The following KRTAP10-6 variants were observed in gnomAD, a reference collection of about 807,000 sequenced individuals.
KRTAP10-6 encodes keratin associated protein 10-6.
A neutral mutation model predicts 0.5 loss-of-function variants in KRTAP10-6; 1 was observed. The ratio of observed to expected loss-of-function variants is 1.92; its 90% CI spans 0.68 to 9.09. The LOEUF (loss-of-function observed/expected upper bound fraction) is 9.09, where lower values mean the gene tolerates loss of function less well. Ranked by LOEUF, KRTAP10-6 falls within the 30% of genes most tolerant of loss-of-function variation. The probability of loss-of-function intolerance (pLI) is 0.13; values close to 1 mark genes in which losing one functional copy is unlikely to be tolerated. For missense variants in KRTAP10-6, 337 were observed against 464.2 expected (o/e 0.73, Z 2.52); for synonymous variants, 136 against 196.5 (o/e 0.69, Z 2.58).
At position 44,591,697 on chromosome 21, in the gene KRTAP10-6, G is replaced by A. The variant is rs1555926606; in HGVS notation, c.788C>T (p.Ser263Phe). ...ACAGCAGGCGTGCTGGCAGGGGGAG[G>A]AGGTGCAGCAAGCTGGCTGGCAGCT... ...QSSCQPACCT[S>F]SPCQHACCVP... Residue 263 changes from serine (S) to phenylalanine (F), a missense_variant, in exon 1 of 1, where the codon TCC becomes TTC. By Grantham distance (155) the Ser-to-Phe change is radical. Transcript: ENST00000400368. 8 of 1,577,250 alleles carry A rather than the reference G, an allele frequency of 5.1e-6. No homozygotes were observed. Among genetic ancestry groups the A allele is most frequent in the African/African-American group, 1.4e-5 (1 of 74,004 alleles).
chr21:44,591,382 G>A lies in KRTAP10-6; in HGVS notation c.*5C>T, dbSNP rs1395303794. On this transcript the variant is annotated 3_prime_UTR_variant, in exon 1 of 1. Coordinates refer to ENST00000400368, the MANE Select transcript of KRTAP10-6 (RefSeq NM_198688.3). Reference sequence around the variant, plus strand: ...GGAAGGGACTCCGGATCACATCCAGGGCTGTCAGCAGCTGGACTTCTGGCC... The same window carrying A: ...GGAAGGGACTCCGGATCACATCCAGAGCTGTCAGCAGCTGGACTTCTGGCC... 6.3e-7 allele frequency: 1 copy of A among 1,599,000 alleles called. No individual in the cohort carries two copies. The highest frequency in any genetic ancestry group is 1.7e-5 in the Admixed American group (1 of 59,536).
Position 44,592,154 on chromosome 21 carries a change from C to T in KRTAP10-6, c.331G>A (p.Val111Met), listed in dbSNP as rs200214979. 441 of 1,563,524 alleles carry T rather than the reference C, an allele frequency of 2.8e-4. 2 individuals are homozygous for T. In the African/African-American group the frequency reaches 3.3e-3, roughly 12 times the overall value. ...CAGACAGTCTTGCAGCAGACGGGCA[C>T]GCAGCAGGCCTGCTGGCAGGGGGAG... is the stretch of plus-strand genomic sequence containing the variant. The part of the protein sequence containing the change: ...ASSPCQQACC[V>M]PVCCKTVCCK... Residue 111 changes from valine (V) to methionine (M), a missense_variant, in exon 1 of 1, where the codon GTG (valine) becomes ATG (methionine). Transcript: ENST00000400368.
At position 44,591,587 on chromosome 21, in the gene KRTAP10-6, A is replaced by G. The variant is rs465279; in HGVS notation, c.898T>C (p.Ser300Pro). 530,872 of 1,609,338 alleles carry G rather than the reference A, an allele frequency of 0.33. 95,196 individuals carry two copies. The highest frequency in any genetic ancestry group is 0.71 in the African/African-American group (53,012 of 74,490). The change falls in exon 1 of 1, where the codon TCC becomes CCC. Residue 300 changes from serine (S) to proline (P), a missense_variant. Coordinates refer to ENST00000400368, the MANE Select transcript of KRTAP10-6 (RefSeq NM_198688.3). ...CAGAGGAGGGACACGGAGGAGGAGG[A>G]TCTGCAGCAGGAGGCGGTGCAGCAA... ...PACCTASCCR[S>P]SSSVSLLCHP...
At chr21:44,591,717 G>T in the KRTAP10-6 span, 3 of 1,597,102 alleles carry the variant, frequency 1.9e-6, no homozygotes, top group South Asian at 3.3e-5. Context: ...AAGCTGGCTG[G>T]CAGCTAGACT....
rs62220887 is a variant in KRTAP10-6 at position 44,592,279 on chromosome 21, G to C, written c.206C>G (p.Pro69Arg). 9,399 of 1,537,274 alleles carry C rather than the reference G, an allele frequency of 6.1e-3. 69 individuals are homozygous for C. The highest frequency in any genetic ancestry group is 0.059 in the African/African-American group (3,296 of 55,952). Residue 69 changes from proline (P) to arginine (R), a missense_variant, in exon 1 of 1, where the codon CCA becomes CGA. Pro to Arg is a moderately radical substitution (Grantham distance 103). Coordinates refer to ENST00000400368, the MANE Select transcript of KRTAP10-6 (RefSeq NM_198688.3). ...PVSRVSSPCC[P>R]VTCEPSPCQS... ...GCAGGGGCTGGGCTCACAGGTCACT[G>C]GGCAGCAGGGGCTGGACACACGGCT... is the stretch of plus-strand genomic sequence containing the variant.
Position 44,592,396 on chromosome 21 carries a change from T to G in KRTAP10-6, c.89A>C (p.Asp30Ala). ...TGGGCAGTCGTCCACCTGCCAGGAGTCGGAGCAAGAGTCACAGGAACCAGG... is the reference window on the plus strand; with the variant it reads ...TGGGCAGTCGTCCACCTGCCAGGAGGCGGAGCAAGAGTCACAGGAACCAGG... ...CLPGSCDSCS[D>A]SWQVDDCPES... Residue 30 changes from aspartate (D) to alanine (A), a missense_variant, in exon 1 of 1, where the codon GAC (aspartate) becomes GCC (alanine). By Grantham distance (126) the Asp-to-Ala change is moderately radical. Coordinates refer to ENST00000400368, the MANE Select transcript of KRTAP10-6 (RefSeq NM_198688.3). The G allele has an allele frequency of 1.3e-6, 2 of 1,587,526 alleles. No homozygotes were observed. Among genetic ancestry groups the G allele is most frequent in the African/African-American group, 1.4e-5 (1 of 71,442 alleles).
rs782622821 is a variant in KRTAP10-6 at position 44,591,700 on chromosome 21, G to T, written c.785C>A (p.Thr262Asn). 1.3e-6 allele frequency: 2 copies of T among 1,576,896 alleles called. No homozygotes were observed. Among genetic ancestry groups the T allele is most frequent in the Non-Finnish European group, 1.7e-6 (2 of 1,154,328 alleles). ...QQSSCQPACC[T>N]SSPCQHACCV... Reference sequence around the variant, plus strand: ...GCAGGCGTGCTGGCAGGGGGAGGAGGTGCAGCAAGCTGGCTGGCAGCTAGA... The same window carrying T: ...GCAGGCGTGCTGGCAGGGGGAGGAGTTGCAGCAAGCTGGCTGGCAGCTAGA... Residue 262 changes from threonine to asparagine, a missense_variant, in exon 1 of 1, where the codon ACC becomes AAC. By Grantham distance (65) the Thr-to-Asn change is moderately conservative. This residue lies in a region of KRTAP10-6 where 218 missense variants were observed against 225.3 expected (regional missense o/e 0.97). Coordinates refer to ENST00000400368, the MANE Select transcript of KRTAP10-6 (RefSeq NM_198688.3).
chr21:44,592,479 G>A lies in KRTAP10-6; in HGVS notation c.6C>T (p.Ala2=), dbSNP rs73907037. The change falls in exon 1 of 1, where the codon GCC becomes GCT. Residue 2 remains alanine (A), a synonymous_variant. Transcript: ENST00000400368. ...TGGAGCAGACGGACATGGTGGACGC[G>A]GCCATGCTGGGGTTGAACTGGTGGA... M[A]ASTMSVCSSD... is the part of the protein sequence containing the mutation. 4.3e-3 allele frequency: 6,850 copies of A among 1,608,472 alleles called. 247 individuals carry two copies. In the African/African-American group the frequency reaches 0.081, roughly 19 times the overall value.
At position 44,591,638 on chromosome 21, in the gene KRTAP10-6, A is replaced by G; in HGVS notation, c.847T>C (p.Cys283Arg). 1 of 1,613,836 alleles carries G rather than the reference A, an allele frequency of 6.2e-7. No homozygotes were observed. Among genetic ancestry groups the G allele is most frequent in the Non-Finnish European group, 8.5e-7 (1 of 1,179,830 alleles). ...PVCSGASTSC[C>R]QQSSCQPACC... ...GCCGGCTGGCAGCTAGACTGCTGGC[A>G]GCATGATGTGGAAGCCCCAGAGCAG... is the stretch of plus-strand genomic sequence containing the variant. Residue 283 changes from cysteine to arginine, a missense_variant, in exon 1 of 1, where the codon TGC (cysteine) becomes CGC (arginine). Cys to Arg is a radical substitution (Grantham distance 180). Coordinates refer to ENST00000400368, the MANE Select transcript of KRTAP10-6 (RefSeq NM_198688.3).
chr21:44,591,313 G>A lies in KRTAP10-6; in HGVS notation c.*74C>T, dbSNP rs1979805208. On this transcript the variant is annotated 3_prime_UTR_variant, in exon 1 of 1. Coordinates refer to ENST00000400368, the MANE Select transcript of KRTAP10-6 (RefSeq NM_198688.3). ...ATCTTCTGAGGGTGTCAAAGCCAGA[G>A]AGGGCAGAGCTTGCTGGGGCAGCTG... 2 of 1,526,750 alleles carry A rather than the reference G, an allele frequency of 1.3e-6. No homozygotes were observed. 94.6% of individuals were successfully genotyped at this position (1,526,750 alleles called of 1,614,324 possible).
In KRTAP10-6 at chr21:44,591,943, C is replaced by T. The variant is rs1555926730; in HGVS notation, c.542G>A (p.Cys181Tyr). 4.4e-6 allele frequency: 7 copies of T among 1,602,146 alleles called. No individual in the cohort carries two copies. Among genetic ancestry groups the T allele is most frequent in the East Asian group, 2.3e-5 (1 of 44,382 alleles). Residue 181 changes from cysteine (C) to tyrosine (Y), a missense_variant, in exon 1 of 1, where the codon TGT (cysteine) becomes TAT (tyrosine). Transcript: ENST00000400368. ...CGCCTGGCAGCAGGGGCTGGACACA[C>T]AGCTCACACAGCTAGACTGCTGGCA... ...SCCQQSSCVS[C>Y]VSSPCCQAVC...
rs782505938 is a variant in KRTAP10-6, at chr21:44,592,268, C to G, written c.217G>C (p.Glu73Gln). Residue 73 changes from glutamate to glutamine, a missense_variant, in exon 1 of 1, where the codon GAG (glutamate) becomes CAG (glutamine). Glu to Gln is a conservative substitution (Grantham distance 29). Transcript: ENST00000400368. ...CAGCCTGATTGGCAGGGGCTGGGCTCACAGGTCACTGGGCAGCAGGGGCTG... is the reference window on the plus strand; with the variant it reads ...CAGCCTGATTGGCAGGGGCTGGGCTGACAGGTCACTGGGCAGCAGGGGCTG... Reference protein sequence around the residue: ...VSSPCCPVTCEPSPCQSGCTS... With the variant: ...VSSPCCPVTCQPSPCQSGCTS... 11 of 1,585,726 alleles carry G rather than the reference C, an allele frequency of 6.9e-6. No homozygotes were observed. The highest frequency in any genetic ancestry group is 1.4e-5 in the African/African-American group (1 of 70,216).
chr21:44,591,739 G>A lies in KRTAP10-6; in HGVS notation c.746C>T (p.Ser249Leu). Residue 249 changes from serine to leucine, a missense_variant, in exon 1 of 1, where the codon TCA becomes TTA. Physicochemically the swap from Ser to Leu is moderately radical, Grantham distance 145. Coordinates refer to ENST00000400368, the MANE Select transcript of KRTAP10-6 (RefSeq NM_198688.3). ...CTGGCAGCTAGACTGCTGGCAGCAT[G>A]AAGAGGAATCCTCAGAGCAGGTGGG... is the stretch of plus-strand genomic sequence containing the variant. ...CVPTCSEDSS[S>L]CCQQSSCQPA... 1 of 1,596,862 alleles carries A rather than the reference G, an allele frequency of 6.3e-7. No homozygotes were observed. Among genetic ancestry groups the A allele is most frequent in the African/African-American group, 1.3e-5 (1 of 74,074 alleles).
Position 44,591,975 on chromosome 21 carries a change from A to C in KRTAP10-6, c.510T>G (p.Ser170=). The C allele has an allele frequency of 6.4e-7, 1 of 1,574,646 alleles. No individual in the cohort carries two copies. The highest frequency in any genetic ancestry group is 8.6e-7 in the Non-Finnish European group (1 of 1,162,236). The change falls in exon 1 of 1, where the codon TCT becomes TCG. Residue 170 remains serine (S), a synonymous_variant. Transcript: ENST00000400368. ...CACAGCTAGACTGCTGGCAGCACGA[A>C]GAGGAAATCCCAGAGCAGACAGGCT... ...CCKPVCSGIS[S]SCCQQSSCVS...
In KRTAP10-6 at chr21:44,592,266, C is replaced by A. The variant is rs781923288; in HGVS notation, c.219G>T (p.Glu73Asp). The change falls in exon 1 of 1, where the codon GAG becomes GAT. Residue 73 changes from glutamate to aspartate, a missense_variant. Physicochemically the swap from Glu to Asp is conservative, Grantham distance 45. Around this residue, in one of 3 missense-constraint regions of KRTAP10-6, gnomAD observed 87 missense variants for 208.2 expected, o/e 0.42. Coordinates refer to ENST00000400368, the MANE Select transcript of KRTAP10-6 (RefSeq NM_198688.3). ...VSSPCCPVTC[E>D]PSPCQSGCTS... is the part of the protein sequence containing the mutation. ...TGCAGCCTGATTGGCAGGGGCTGGGCTCACAGGTCACTGGGCAGCAGGGGC... is the reference window on the plus strand; with the variant it reads ...TGCAGCCTGATTGGCAGGGGCTGGGATCACAGGTCACTGGGCAGCAGGGGC... The A allele has an allele frequency of 1.3e-6, 2 of 1,587,250 alleles. No individual in the cohort carries two copies. Among genetic ancestry groups the A allele is most frequent in the South Asian group, 1.1e-5 (1 of 89,916 alleles).
In KRTAP10-6 at chr21:44,592,419, A is replaced by G. The variant is rs369235293; in HGVS notation, c.66T>C (p.Pro22=). 3 of 1,608,274 alleles carry G rather than the reference A, an allele frequency of 1.9e-6. No individual in the cohort carries two copies. In the South Asian group the frequency reaches 3.3e-5, roughly 18 times the overall value. ...DLSYGSRVCL[P]GSCDSCSDSW... is the part of the protein sequence containing the mutation. ...AGTCGGAGCAAGAGTCACAGGAACC[A>G]GGAAGGCAGACGCGGCTGCCGTAGC... The change falls in exon 1 of 1, where the codon CCT becomes CCC. Residue 22 remains proline (P), a synonymous_variant. Coordinates refer to ENST00000400368, the MANE Select transcript of KRTAP10-6 (RefSeq NM_198688.3).
rs2146122512 is a variant in KRTAP10-6, at chr21:44,591,327, C to G, written c.*60G>C. On this transcript the variant is annotated 3_prime_UTR_variant, in exon 1 of 1. Transcript: ENST00000400368. ...TCAAAGCCAGAGAGGGCAGAGCTTG[C>G]TGGGGCAGCTGGGAGGTCAGCCCCT... 2 of 1,549,266 alleles carry G rather than the reference C, an allele frequency of 1.3e-6. No homozygotes were observed. Among genetic ancestry groups the G allele is most frequent in the Non-Finnish European group, 1.7e-6 (2 of 1,145,886 alleles).
At position 44,591,671 on chromosome 21, in the gene KRTAP10-6, C is replaced by T; in HGVS notation, c.814G>A (p.Val272Met). The T allele has an allele frequency of 6.3e-7, 1 of 1,585,666 alleles. No individual in the cohort carries two copies. The highest frequency in any genetic ancestry group is 8.6e-7 in the Non-Finnish European group (1 of 1,160,196). The change falls in exon 1 of 1, where the codon GTG becomes ATG. Residue 272 changes from valine (V) to methionine (M), a missense_variant. Physicochemically the swap from Val to Met is conservative, Grantham distance 21. This residue lies in a region of KRTAP10-6 where 218 missense variants were observed against 225.3 expected (regional missense o/e 0.97). Transcript: ENST00000400368. Reference protein sequence around the residue: ...TSSPCQHACCVPVCSGASTSC... With the variant: ...TSSPCQHACCMPVCSGASTSC... ...GTGGAAGCCCCAGAGCAGACGGGCA[C>T]ACAGCAGGCGTGCTGGCAGGGGGAG...
Position 44,591,634 on chromosome 21 carries a change from T to A in KRTAP10-6, c.851A>T (p.Gln284Leu). ...VCSGASTSCC[Q>L]QSSCQPACCT... ...GCAAGCCGGCTGGCAGCTAGACTGC[T>A]GGCAGCATGATGTGGAAGCCCCAGA... is the stretch of plus-strand genomic sequence containing the variant. Residue 284 changes from glutamine (Q) to leucine (L), a missense_variant, in exon 1 of 1, where the codon CAG (glutamine) becomes CTG (leucine). Physicochemically the swap from Gln to Leu is moderately radical, Grantham distance 113. Transcript: ENST00000400368. 1.9e-6 allele frequency: 3 copies of A among 1,613,620 alleles called. No homozygotes were observed. The highest frequency in any genetic ancestry group is 2.5e-6 in the Non-Finnish European group (3 of 1,179,792).
Sources: allele counts gnomAD v4.1 joint callset, GRCh38; gene constraint gnomAD v4.1.1; regional missense constraint gnomAD v4.1.1; transcripts MANE v1.5; gene names NCBI Gene and HGNC (gene_info 2026-07-23, HGNC 2026-07-21).